The following MYO10 variants were observed in gnomAD, a reference collection of about 807,000 sequenced individuals.
The protein encoded by MYO10 is unconventional myosin-X.
MYO10 carries 133 observed loss-of-function variants against 257.3 expected under a neutral mutation model. The ratio of observed to expected loss-of-function variants is 0.52; its 90% CI spans 0.45 to 0.60. The LOEUF (loss-of-function observed/expected upper bound fraction) is 0.60. Among genes scored for constraint, MYO10 ranks in the 20% least tolerant of loss-of-function variants. MYO10 has a pLI of 0.00. For missense variants in MYO10, 2,399 were observed against 2,635.7 expected (o/e 0.91, Z 1.97); for synonymous variants, 1,104 against 1,028.6 (o/e 1.07, Z -1.40).
chr5:16,840,386 T>C (rs1029421203), intron 2 of MYO10, among the ~76,000 whole-genome samples: 1 of 151,504 alleles, frequency 6.6e-6, no homozygotes, highest in South Asian at 2.1e-4. Flanking sequence ...CACTCCAGCC[T>C]GGGCGACAGA....
chr5:16,837,049 A>G (rs1455110867), intron 2 of MYO10, among the ~76,000 whole-genome samples: 1 of 152,126 alleles, frequency 6.6e-6, no homozygotes, highest in Non-Finnish European at 1.5e-5. Flanking sequence ...GGTGGCTCAC[A>G]CCTGTAATCC....
chr5:16,924,538 T>G (rs1746078596), intron 1 of MYO10, among the ~76,000 whole-genome samples: 1 of 152,106 alleles, frequency 6.6e-6, no homozygotes, highest in Non-Finnish European at 1.5e-5. Context: ...CCGGGAAATT[T>G]TACTCCTCAG....
rs536909683 is a variant in MYO10 at position 16,926,258 on chromosome 5, T to A, written c.21+9530A>T. Among the ~76,000 whole-genome samples the A allele has an allele frequency of 9.8e-5, 15 of 152,354 alleles. No individual in the cohort carries two copies. In the South Asian group the frequency reaches 3.1e-3, roughly 32 times the overall value. ...TTCAACCTGGATAATGAAATTAAAATACTTTGTAGTACTTCTTAAAATCAA... is the reference window on the plus strand; with the variant it reads ...TTCAACCTGGATAATGAAATTAAAAAACTTTGTAGTACTTCTTAAAATCAA... On this transcript the variant is annotated intron_variant, in intron 1 of 40. Coordinates refer to ENST00000513610, the MANE Select transcript of MYO10 (RefSeq NM_012334.3).
At chr5:16,738,155 G>A in intron 19 of MYO10, 3 of 985,542 alleles carry the variant, frequency 3.0e-6, no homozygotes, top group South Asian at 4.7e-5. Flanking sequence ...AGCTGAAGGA[G>A]AGAAGCCAGT....
chr5:16,751,612 G>A (rs1740378715), intron 19 of MYO10, among the ~76,000 whole-genome samples: 2 of 151,506 alleles, frequency 1.3e-5, no homozygotes, highest in Admixed American at 1.3e-4. Context: ...CTCCCAAGTA[G>A]CTGGGATTAC....
At chr5:16,887,850 T>A (rs1399586495) in intron 1 of MYO10, among the ~76,000 whole-genome samples, 3 of 152,120 alleles carry the variant, frequency 2.0e-5, no homozygotes, top group Non-Finnish European at 4.4e-5. Context: ...TTAAAACACC[T>A]TTTCAGTTAA....
At chr5:16,797,386 T>G (rs1742002056) in intron 3 of MYO10, among the ~76,000 whole-genome samples, 1 of 152,166 alleles carries the variant, frequency 6.6e-6, no homozygotes, top group Non-Finnish European at 1.5e-5. Context: ...CAACCTGGAA[T>G]GTGTTTTGGA....
chr5:16,878,544 T>A (rs574848339), intron 1 of MYO10, among the ~76,000 whole-genome samples: 2 of 152,326 alleles, frequency 1.3e-5, no homozygotes, highest in Non-Finnish European at 2.9e-5. Flanking sequence ...AATTTCATCT[T>A]CCTTTGATTT....
chr5:16,900,220 C>T (rs562975019), intron 1 of MYO10, among the ~76,000 whole-genome samples: 15 of 152,188 alleles, frequency 9.9e-5, no homozygotes, highest in African/African-American at 2.6e-4. Context: ...AGAGTTAAGA[C>T]AAATAAAACT....
At chr5:16,769,987 C>T (rs1187907380) in intron 9 of MYO10, among the ~76,000 whole-genome samples, 4 of 151,552 alleles carry the variant, frequency 2.6e-5, no homozygotes, top group African/African-American at 9.7e-5. Context: ...AGGCTGGTCT[C>T]AAACTCCTGG....
At chr5:16,710,580 C>A in intron 21 of MYO10, 1 of 319,554 alleles carries the variant, frequency 3.1e-6, no homozygotes, top group Non-Finnish European at 6.0e-6. Flanking sequence ...TTTGTAGACA[C>A]TGGGGGCTGC....
intron 19 of MYO10, among the ~76,000 whole-genome samples, chr5:16,745,602 T>A (rs7712637): frequency 8.6e-5 from 13 of 151,952 alleles, no homozygotes; most frequent in Middle Eastern, 6.8e-3. Context: ...GGCAGGAGAT[T>A]GCTTGAGCCC....
chr5:16,736,655 T>C (rs1473156816), intron 19 of MYO10, among the ~76,000 whole-genome samples: 1 of 152,226 alleles, frequency 6.6e-6, no homozygotes, highest in African/African-American at 2.4e-5. Flanking sequence ...GTAAACTGAC[T>C]AGCTCAAGCT....
chr5:16,880,533 C>A (rs1744729674), intron 1 of MYO10, among the ~76,000 whole-genome samples: 1 of 152,140 alleles, frequency 6.6e-6, no homozygotes, highest in Non-Finnish European at 1.5e-5. Flanking sequence ...ATTCATAGAT[C>A]TTCAAAGATG....
At chr5:16,794,388 A>ATT (rs1560988188) in intron 4 of MYO10, among the ~76,000 whole-genome samples, 22 of 149,404 alleles carry the variant, frequency 1.5e-4, no homozygotes, top group Non-Finnish European at 2.2e-4. Flanking sequence ...TGCTTTAAAA[A>ATT]AAAAAAAAAA....
At position 16,779,614 on chromosome 5, in the gene MYO10, G is replaced by A. The variant is rs751399061; in HGVS notation, c.861C>T (p.His287=). The change falls in exon 9 of 41, where the codon CAC becomes CAT. Residue 287 remains histidine, a synonymous_variant. Coordinates refer to ENST00000513610, the MANE Select transcript of MYO10 (RefSeq NM_012334.3). The stretch of plus-strand genomic sequence containing the variant: ...CTACACATCCAGACTGATTCAAGTA[G>A]TGGTAGTTTTCTGGCGTAGATAAAT... The part of the protein sequence containing the change: ...EFYLSTPENY[H]YLNQSGCVED... 1.9e-6 allele frequency: 3 copies of A among 1,606,642 alleles called. No individual in the cohort carries two copies. The highest frequency in any genetic ancestry group is 2.5e-6 in the Non-Finnish European group (3 of 1,177,612).
intron 2 of MYO10, among the ~76,000 whole-genome samples, chr5:16,838,921 ATAT>A (rs1169830609): frequency 6.6e-6 from 1 of 152,182 alleles, no homozygotes; most frequent in Non-Finnish European, 1.5e-5. Context: ...GGTTTTAGTG[ATAT>A]GTTAAGTCCA....
chr5:16,880,773 A>G (rs1410270117), intron 1 of MYO10, among the ~76,000 whole-genome samples: 1 of 152,160 alleles, frequency 6.6e-6, no homozygotes, highest in Non-Finnish European at 1.5e-5. Flanking sequence ...GTCAGTCCTG[A>G]TTTCTTTATT....
chr5:16,854,302 G>C (rs375940472), intron 2 of MYO10, among the ~76,000 whole-genome samples: 1 of 152,048 alleles, frequency 6.6e-6, no homozygotes, highest in African/African-American at 2.4e-5. Flanking sequence ...TTCTTCTTAG[G>C]TTTAAAAGAC....
Sources: gnomAD v4.1 joint callset for allele counts (sites outside exome capture counted in the v4.1 genomes callset) on GRCh38, gnomAD v4.1.1 for gene constraint, MANE v1.5 for transcripts, NCBI Gene and HGNC (gene_info 2026-07-23, HGNC 2026-07-21) for gene names.